The following SMOC2 variants were observed in gnomAD, a reference collection of about 807,000 sequenced individuals.
SMOC2 encodes the protein SPARC-related modular calcium-binding protein 2.
SMOC2 carries 39 observed loss-of-function variants against 61.4 expected under a neutral mutation model. The observed-to-expected ratio is 0.64, with a 90% CI of 0.49 to 0.83. SMOC2 has a LOEUF of 0.83. Among genes scored for constraint, SMOC2 ranks in the 40% least tolerant of loss-of-function variants. The pLI is 0.00. For synonymous variants in SMOC2, 247 were observed against 239.9 expected (o/e 1.03, Z -0.27); for missense variants, 556 against 592.9 (o/e 0.94, Z 0.65).
At chr6:168,601,855 T>G (rs1346172167) in intron 8 of SMOC2, among the ~76,000 whole-genome samples, 2 of 152,196 alleles carry the variant, frequency 1.3e-5, no homozygotes, top group African/African-American at 2.4e-5. Flanking sequence ...CGATGCTGGT[T>G]TCATTCTGCC....
chr6:168,572,829 C>T (rs111874262), intron 7 of SMOC2, among the ~76,000 whole-genome samples: 12 of 64,722 alleles, frequency 1.9e-4, no homozygotes, highest in South Asian at 7.9e-4. Context: ...ACCAGGGCTG[C>T]GTGCTCCCTG....
intron 8 of SMOC2, among the ~76,000 whole-genome samples, chr6:168,603,475 C>A (rs2115194269): frequency 6.6e-6 from 1 of 152,020 alleles, no homozygotes; most frequent in South Asian, 2.1e-4. Flanking sequence ...TACAATCTCT[C>A]AACAATCCTG....
chr6:168,555,028 G>A (rs562659443), intron 7 of SMOC2, among the ~76,000 whole-genome samples: 5 of 152,334 alleles, frequency 3.3e-5, no homozygotes, highest in African/African-American at 1.2e-4. Flanking sequence ...AAGGGGGAAA[G>A]TGGATTTCGC....
rs935951560 is a variant in SMOC2, at chr6:168,633,313, C to T, written c.908-17368C>T. Among the ~76,000 whole-genome samples, 34 of 152,246 alleles carry T rather than the reference C, an allele frequency of 2.2e-4. 1 individual carries two copies. The highest frequency in any genetic ancestry group is 1.8e-3 in the Admixed American group (27 of 15,298). The stretch of plus-strand genomic sequence containing the variant: ...TCCCAGAGGTCCTGATCTGCATTTC[C>T]CCATTTCTTAATTTCAGTGGACAAA... On this transcript the variant is annotated intron_variant, in intron 9 of 12. Coordinates refer to ENST00000356284, the MANE Select transcript of SMOC2 (RefSeq NM_001166412.2).
chr6:168,566,667 G>A (rs1784550578), intron 7 of SMOC2, among the ~76,000 whole-genome samples: 2 of 151,834 alleles, frequency 1.3e-5, no homozygotes, highest in Non-Finnish European at 2.9e-5. Flanking sequence ...ATTTTTAGTA[G>A]CATTTAGTGG....
chr6:168,570,476 T>C (rs900917663), intron 7 of SMOC2, among the ~76,000 whole-genome samples: 2 of 152,198 alleles, frequency 1.3e-5, no homozygotes, highest in African/African-American at 4.8e-5. Context: ...GCACTCCTGC[T>C]AATTCTCCGT....
At chr6:168,630,150 G>A (rs553326879) in intron 9 of SMOC2, among the ~76,000 whole-genome samples, 37 of 152,282 alleles carry the variant, frequency 2.4e-4, no homozygotes, top group Non-Finnish European at 4.4e-4. Context: ...GCCACTTCTT[G>A]TTAAAGATGT....
chr6:168,551,995 C>T (rs558621659), intron 7 of SMOC2, among the ~76,000 whole-genome samples: 2 of 152,196 alleles, frequency 1.3e-5, no homozygotes, highest in East Asian at 1.9e-4. Flanking sequence ...CAGAAGTTAC[C>T]TTACACTATA....
intron 1 of SMOC2, among the ~76,000 whole-genome samples, chr6:168,471,198 C>T (rs1329540629): frequency 1.3e-5 from 2 of 152,122 alleles, no homozygotes; most frequent in Non-Finnish European, 2.9e-5. Flanking sequence ...CTGGCAAAAC[C>T]GAAACTTGAC....
At chr6:168,524,809 A>G (rs2763248) in intron 2 of SMOC2, among the ~76,000 whole-genome samples, 76,974 of 152,262 alleles carry the variant, frequency 0.51, 23,028 homozygotes, top group Non-Finnish European at 0.68. Flanking sequence ...GTTTGCTCAG[A>G]TGTGTAGGCC....
At chr6:168,601,939 C>T (rs192699898) in intron 8 of SMOC2, among the ~76,000 whole-genome samples, 377 of 152,312 alleles carry the variant, frequency 2.5e-3, no homozygotes, top group Non-Finnish European at 3.9e-3. Context: ...CCTACAGAAG[C>T]GGGCAGCTCC....
At chr6:168,650,384 A>G (rs530337674) in intron 9 of SMOC2, among the ~76,000 whole-genome samples, 1 of 152,292 alleles carries the variant, frequency 6.6e-6, no homozygotes, top group South Asian at 2.1e-4. Flanking sequence ...CTCTGCTGCC[A>G]CACTCGCTGG....
At chr6:168,550,653 C>T (rs1023372062) in intron 7 of SMOC2, among the ~76,000 whole-genome samples, 1 of 152,160 alleles carries the variant, frequency 6.6e-6, no homozygotes, top group Admixed American at 6.5e-5. Context: ...TGTTACTTTA[C>T]CCTTCTGGGC....
intron 1 of SMOC2, among the ~76,000 whole-genome samples, chr6:168,458,180 C>T (rs1045138516): frequency 8.7e-4 from 133 of 152,200 alleles, no homozygotes; most frequent in African/African-American, 3.0e-3. Context: ...GGGCCATCAA[C>T]GTACCGGCTC....
At chr6:168,616,480 A>G (rs1786097858) in intron 9 of SMOC2, among the ~76,000 whole-genome samples, 2 of 152,216 alleles carry the variant, frequency 1.3e-5, no homozygotes, top group South Asian at 4.1e-4. Context: ...CATGATACCT[A>G]AAGAACATCA....
intron 7 of SMOC2, among the ~76,000 whole-genome samples, chr6:168,559,000 T>C (rs986270838): frequency 1.3e-5 from 2 of 152,244 alleles, no homozygotes; most frequent in East Asian, 3.8e-4. Context: ...TTTACTGTAA[T>C]AGTAACTAGT....
At chr6:168,560,557 C>G (rs13209090) in intron 7 of SMOC2, among the ~76,000 whole-genome samples, 2 of 126,472 alleles carry the variant, frequency 1.6e-5, no homozygotes, top group Non-Finnish European at 3.6e-5. Flanking sequence ...CCCTGAGACA[C>G]GAGGCTCTCA....
chr6:168,589,034 G>A (rs1364113161), intron 7 of SMOC2, among the ~76,000 whole-genome samples: 2 of 140,500 alleles, frequency 1.4e-5, no homozygotes, highest in Non-Finnish European at 3.0e-5. Context: ...TTGAGATCGT[G>A]CCACTGCACT....
chr6:168,618,212 C>T (rs1270000958), intron 9 of SMOC2, among the ~76,000 whole-genome samples: 1 of 152,234 alleles, frequency 6.6e-6, no homozygotes, highest in Non-Finnish European at 1.5e-5. Context: ...GGCCTCCGTG[C>T]TCCATTTTGC....
Sources: allele counts gnomAD v4.1 joint callset (sites outside exome capture counted in the v4.1 genomes callset), GRCh38; gene constraint gnomAD v4.1.1; transcripts MANE v1.5; gene names NCBI Gene and HGNC (gene_info 2026-07-23, HGNC 2026-07-21).